Variants in NTSR1 observed in about 807,000 individuals in gnomAD.
NTSR1 encodes the protein neurotensin receptor type 1.
NTSR1 carries 29 observed loss-of-function variants against 31.2 expected under a neutral mutation model. That is an observed-to-expected ratio of 0.93 (90% CI 0.69 to 1.27). NTSR1 has a LOEUF of 1.27. Ranked by LOEUF, NTSR1 falls within the 50% of genes most tolerant of loss-of-function variation. The probability of loss-of-function intolerance (pLI) is 0.00; values close to 1 mark genes in which losing one functional copy is unlikely to be tolerated. For missense variants in NTSR1, 697 were observed against 595.4 expected, an observed-to-expected ratio of 1.17 and a Z score of -1.78; for synonymous variants, 282 against 269.9, an observed-to-expected ratio of 1.04 and a Z score of -0.44.
At chr20:62,750,690 C>CAAAAAA (rs59850535) in intron 1 of NTSR1, among the ~76,000 whole-genome samples, 17 of 55,038 alleles carry the variant, frequency 3.1e-4, no homozygotes, top group East Asian at 1.3e-3. Context: ...GACTCCGTCT[C>CAAAAAA]AAAAAAAAAA....
In NTSR1 at chr20:62,760,321, C is replaced by T. The variant is rs533071110; in HGVS notation, c.*54C>T. The T allele has an allele frequency of 6.5e-5, 100 of 1,548,968 alleles. No homozygotes were observed. Among genetic ancestry groups the T allele is most frequent in the Admixed American group, 4.7e-4 (27 of 57,060 alleles). ...GAGCCTGGCCATGGGTCCTTGCCCC[C>T]GACAGACAGAGCAGCCCCCACCCGG... On this transcript the variant is annotated 3_prime_UTR_variant, in exon 4 of 4. Coordinates refer to ENST00000370501, the MANE Select transcript of NTSR1 (RefSeq NM_002531.3).
intron 1 of NTSR1, among the ~76,000 whole-genome samples, chr20:62,720,081 C>A (rs1447245522): frequency 1.3e-5 from 2 of 152,146 alleles, no homozygotes; most frequent in African/African-American, 4.8e-5. Flanking sequence ...GGGTGGATCA[C>A]CTGAGGTCAG....
At position 62,741,807 on chromosome 20, in the gene NTSR1, C is replaced by T. The variant is rs960746088; in HGVS notation, c.715-12878C>T. On this transcript the variant is annotated intron_variant, in intron 1 of 3. Coordinates refer to ENST00000370501, the MANE Select transcript of NTSR1 (RefSeq NM_002531.3). The surrounding 1 kb of genome is among the most constrained non-coding windows in gnomAD (Gnocchi z 4.3). ...AGAAGGCATCTGCTCAGGTGAGGTA[C>T]ATGCCACAAAGCTTCACCAGTGGGG... is the stretch of plus-strand genomic sequence containing the variant. Among the ~76,000 whole-genome samples the T allele has an allele frequency of 6.7e-6, 1 of 149,622 alleles. No homozygotes were observed. The highest frequency in any genetic ancestry group is 2.5e-5 in the African/African-American group (1 of 40,110).
intron 1 of NTSR1, among the ~76,000 whole-genome samples, chr20:62,729,620 T>G (rs913967075): frequency 4.4e-5 from 6 of 136,804 alleles, no homozygotes; most frequent in Non-Finnish European, 9.2e-5. Flanking sequence ...GGGCTAGGGG[T>G]TTCTAATTTT....
intron 1 of NTSR1, among the ~76,000 whole-genome samples, chr20:62,710,651 G>A (rs1306767858): frequency 6.6e-6 from 1 of 152,170 alleles, no homozygotes; most frequent in South Asian, 2.1e-4. Flanking sequence ...GGCCCTCCAA[G>A]GGTCTGAGCA....
At chr20:62,738,538 T>C (rs1408631636) in intron 1 of NTSR1, among the ~76,000 whole-genome samples, 1 of 152,260 alleles carries the variant, frequency 6.6e-6, no homozygotes, top group African/African-American at 2.4e-5. Flanking sequence ...GGCGAGCCTA[T>C]GAGCCGTACA....
rs149176185 is a variant in NTSR1, at chr20:62,715,916, G to A, written c.714+5995G>A. ...GAGGGCCCTGGGCTGAGCAGGGCCC[G>A]AGAGGACGTCCGACCTGTGCACGAA... On this transcript the variant is annotated intron_variant, in intron 1 of 3. Coordinates refer to ENST00000370501, the MANE Select transcript of NTSR1 (RefSeq NM_002531.3). This position sits in a 1 kb window ranked among gnomAD's most constrained non-coding sequence, Gnocchi z 4.7. 3.6e-4 allele frequency among the ~76,000 whole-genome samples: 55 copies of A among 152,306 alleles called. 1 individual carries two copies. The highest frequency in any genetic ancestry group is 1.3e-3 in the African/African-American group (54 of 41,564).
chr20:62,752,457 G>C (rs946235351), intron 1 of NTSR1, among the ~76,000 whole-genome samples: 3 of 152,116 alleles, frequency 2.0e-5, no homozygotes, highest in African/African-American at 7.2e-5. Context: ...GGGCAGGTGG[G>C]GGAGGCGGGG....
chr20:62,737,588 G>A (rs1348069950), intron 1 of NTSR1, among the ~76,000 whole-genome samples: 1 of 152,054 alleles, frequency 6.6e-6, no homozygotes, highest in African/African-American at 2.4e-5. Flanking sequence ...TGCCCCACTC[G>A]GCCTGAGGAG....
chr20:62,754,397 G>A (rs915695209), intron 1 of NTSR1, among the ~76,000 whole-genome samples: 1 of 152,226 alleles, frequency 6.6e-6, no homozygotes, highest in Non-Finnish European at 1.5e-5. Context: ...GTTCCTTGCT[G>A]TGTACAGGCG....
At chr20:62,717,665 T>G (rs1988756124) in intron 1 of NTSR1, among the ~76,000 whole-genome samples, 1 of 152,212 alleles carries the variant, frequency 6.6e-6, no homozygotes, top group South Asian at 2.1e-4. Flanking sequence ...GCAGCAGCGC[T>G]TGGGAGGGCT....
In NTSR1 at chr20:62,753,643, C is replaced by T. The variant is rs570250230; in HGVS notation, c.715-1042C>T. Reference sequence around the variant, plus strand: ...AGGATCGAACCCGCAAGTGTGGCAGCCAAAGACGCCAAGATCTGGCTTGCA... The same window carrying T: ...AGGATCGAACCCGCAAGTGTGGCAGTCAAAGACGCCAAGATCTGGCTTGCA... On this transcript the variant is annotated intron_variant, in intron 1 of 3. Coordinates refer to ENST00000370501, the MANE Select transcript of NTSR1 (RefSeq NM_002531.3). 3.3e-5 allele frequency among the ~76,000 whole-genome samples: 5 copies of T among 152,342 alleles called. No homozygotes were observed. In the East Asian group the frequency reaches 9.6e-4, roughly 29 times the overall value.
At chr20:62,750,006 C>T (rs1004312550) in intron 1 of NTSR1, among the ~76,000 whole-genome samples, 3 of 152,194 alleles carry the variant, frequency 2.0e-5, no homozygotes, top group East Asian at 1.9e-4. Context: ...AGCCCCTGTC[C>T]GCTGCGGCAC....
intron 1 of NTSR1, among the ~76,000 whole-genome samples, chr20:62,725,673 C>T (rs1338055550): frequency 6.6e-6 from 1 of 152,224 alleles, no homozygotes; most frequent in Non-Finnish European, 1.5e-5. Flanking sequence ...GTCCGTCTGA[C>T]AGTGGCACAG....
Position 62,761,483 on chromosome 20 carries a change from C to G in NTSR1, c.*1216C>G, listed in dbSNP as rs1171276048. Reference sequence around the variant, plus strand: ...GATCCAGGCTCCACAGAGCACATGACTAGCCAGGCCCCTGGCTTAAGAAGG... The same window carrying G: ...GATCCAGGCTCCACAGAGCACATGAGTAGCCAGGCCCCTGGCTTAAGAAGG... On this transcript the variant is annotated 3_prime_UTR_variant, in exon 4 of 4. Transcript: ENST00000370501. 3 of 152,214 alleles carry G rather than the reference C, an allele frequency of 2.0e-5. No homozygotes were observed. The highest frequency in any genetic ancestry group is 4.4e-5 in the Non-Finnish European group (3 of 68,052). 9.4% of individuals were successfully genotyped at this position (152,214 alleles called of 1,614,324 possible).
At chr20:62,718,412 A>G (rs957524196) in intron 1 of NTSR1, among the ~76,000 whole-genome samples, 9 of 151,932 alleles carry the variant, frequency 5.9e-5, no homozygotes, top group Non-Finnish European at 1.0e-4. Flanking sequence ...TTCCTACTTC[A>G]TTTTTCGACT....
chr20:62,738,179 T>C (rs1351279056), intron 1 of NTSR1, among the ~76,000 whole-genome samples: 1 of 136,478 alleles, frequency 7.3e-6, no homozygotes, highest in East Asian at 2.3e-4. Flanking sequence ...CAGAGGGTGA[T>C]GGAGGGTGCT....
intron 1 of NTSR1, among the ~76,000 whole-genome samples, chr20:62,718,701 G>A (rs577525614): frequency 1.3e-4 from 20 of 152,268 alleles, no homozygotes; most frequent in African/African-American, 2.9e-4. Flanking sequence ...TTGACCAGGC[G>A]TTCCTTTTTA....
rs1272799578 is a variant in NTSR1, at chr20:62,742,918, C to A, written c.715-11767C>A. Among the ~76,000 whole-genome samples the A allele has an allele frequency of 6.7e-6, 1 of 149,622 alleles. No individual in the cohort carries two copies. Among genetic ancestry groups the A allele is most frequent in the African/African-American group, 2.5e-5 (1 of 40,060 alleles). ...GTGGCCGTGGGGTTCCTGTTCATCCCAGGGCACCTGTCACGGGACATACCC... is the reference window on the plus strand; with the variant it reads ...GTGGCCGTGGGGTTCCTGTTCATCCAAGGGCACCTGTCACGGGACATACCC... On this transcript the variant is annotated intron_variant, in intron 1 of 3. Coordinates refer to ENST00000370501, the MANE Select transcript of NTSR1 (RefSeq NM_002531.3). This position sits in a 1 kb window ranked among gnomAD's most constrained non-coding sequence, Gnocchi z 7.1.
Sources: gnomAD v4.1 joint callset for allele counts (sites outside exome capture counted in the v4.1 genomes callset) on GRCh38, gnomAD v4.1.1 for gene constraint, Gnocchi (gnomAD v3.1) non-coding constraint, MANE v1.5 for transcripts, NCBI Gene and HGNC (gene_info 2026-07-23, HGNC 2026-07-21) for gene names.